Variants in RHOBTB1 observed in about 807,000 individuals in gnomAD.
The protein encoded by RHOBTB1 is Rho related BTB domain containing 1, also known as rho-related BTB domain-containing protein 1.
RHOBTB1 carries 40 observed loss-of-function variants against 71.6 expected under a neutral mutation model. The ratio of observed to expected loss-of-function variants is 0.56; its 90% CI spans 0.43 to 0.73. The LOEUF is 0.73. Among genes scored for constraint, RHOBTB1 ranks in the 30% least tolerant of loss-of-function variants. The probability of loss-of-function intolerance (pLI) is 0.00; values close to 1 mark genes in which losing one functional copy is unlikely to be tolerated. For missense variants in RHOBTB1, 797 were observed against 894.0 expected (o/e 0.89, Z 1.38); for synonymous variants, 319 against 334.9 (o/e 0.95, Z 0.52).
At chr10:60,965,885 T>C (rs1255820038) in intron 2 of RHOBTB1, among the ~76,000 whole-genome samples, 1 of 152,050 alleles carries the variant, frequency 6.6e-6, no homozygotes, top group African/African-American at 2.4e-5. Context: ...GTTCGAAAAT[T>C]TGAGGAAATA....
chr10:60,936,911 T>G (rs1215096489), intron 2 of RHOBTB1, among the ~76,000 whole-genome samples: 1 of 152,190 alleles, frequency 6.6e-6, no homozygotes, highest in South Asian at 2.1e-4. Context: ...GTTCAGCCAC[T>G]TCATAGCACT....
At chr10:60,939,212 G>T (rs1421199291) in intron 2 of RHOBTB1, among the ~76,000 whole-genome samples, 1 of 152,150 alleles carries the variant, frequency 6.6e-6, no homozygotes, top group African/African-American at 2.4e-5. Context: ...CAGAGCTCAA[G>T]AAAGTATCTG....
intron 1 of RHOBTB1, among the ~76,000 whole-genome samples, chr10:60,993,461 A>T (rs1233837114): frequency 6.6e-6 from 1 of 152,212 alleles, no homozygotes; most frequent in Non-Finnish European, 1.5e-5. Context: ...GTGTAAGTAT[A>T]TATAAAATAT....
intron 4 of RHOBTB1, among the ~76,000 whole-genome samples, chr10:60,905,826 A>T (rs2082650916): frequency 6.6e-6 from 1 of 152,134 alleles, no homozygotes; most frequent in African/African-American, 2.4e-5. Context: ...GTATCTAGAC[A>T]CACTCACTGA....
intron 2 of RHOBTB1, among the ~76,000 whole-genome samples, chr10:60,932,513 T>TA (rs3049595): frequency 0.056 from 6,068 of 107,906 alleles, 184 homozygotes; most frequent in Middle Eastern, 0.065. Context: ...TTTCTTAAAG[T>TA]AAAAAAAAAA....
Position 60,963,366 on chromosome 10 carries a change from A to G in RHOBTB1, c.-61-21512T>C, listed in dbSNP as rs533986481. Among the ~76,000 whole-genome samples, 3 of 152,338 alleles carry G rather than the reference A, an allele frequency of 2.0e-5. No homozygotes were observed. In the South Asian group the frequency reaches 6.2e-4, roughly 32 times the overall value. On this transcript the variant is annotated intron_variant, in intron 2 of 11. Transcript: ENST00000357917. ...TTAATCAGCAAATATTCTGACTACA[A>G]TAAAAGAGATCCTGAAAGATAAATT...
At chr10:60,896,929 G>A (rs946884890) in intron 4 of RHOBTB1, among the ~76,000 whole-genome samples, 1 of 152,134 alleles carries the variant, frequency 6.6e-6, no homozygotes, top group Non-Finnish European at 1.5e-5. Context: ...ATAAAGCCAA[G>A]CTCAGCTGCA....
At chr10:60,913,706 C>G (rs2083114709) in intron 2 of RHOBTB1, among the ~76,000 whole-genome samples, 1 of 152,114 alleles carries the variant, frequency 6.6e-6, no homozygotes, top group South Asian at 2.1e-4. Context: ...CAACACCCCA[C>G]AACAAAGAAT....
chr10:60,967,064 G>A (rs922591157), intron 2 of RHOBTB1, among the ~76,000 whole-genome samples: 2 of 152,002 alleles, frequency 1.3e-5, no homozygotes, highest in Admixed American at 6.6e-5. Context: ...GTGAGGGAGC[G>A]ATGCAGTATG....
the RHOBTB1 span, among the ~76,000 whole-genome samples, chr10:60,862,627 C>CCTTCTCTT: frequency 6.7e-6 from 1 of 149,308 alleles, no homozygotes; most frequent in East Asian, 2.0e-4. Context: ...TTCCTTCCTT[C>CCTTCTCTT]CTTCTCTTTT....
intron 4 of RHOBTB1, among the ~76,000 whole-genome samples, chr10:60,895,482 A>C (rs1346939214): frequency 2.0e-5 from 3 of 152,194 alleles, no homozygotes; most frequent in African/African-American, 7.2e-5. Flanking sequence ...TCAGCTCACC[A>C]CAACCTCTGC....
chr10:60,876,485 T>C (rs554591118), intron 8 of RHOBTB1, among the ~76,000 whole-genome samples: 1 of 152,212 alleles, frequency 6.6e-6, no homozygotes, highest in Non-Finnish European at 1.5e-5. Flanking sequence ...TAGTCTGAGA[T>C]TGATCACAAA....
intron 1 of RHOBTB1, among the ~76,000 whole-genome samples, chr10:60,989,389 A>T (rs2086779937): frequency 6.6e-6 from 1 of 152,222 alleles, no homozygotes; most frequent in African/African-American, 2.4e-5. Flanking sequence ...TAGATTTTCC[A>T]TGAGGGACGG....
At chr10:60,964,943 G>A (rs2085906821) in intron 2 of RHOBTB1, among the ~76,000 whole-genome samples, 1 of 152,006 alleles carries the variant, frequency 6.6e-6, no homozygotes, top group African/African-American at 2.4e-5. Context: ...CATTCCTAAA[G>A]TCTTAAGGAA....
At chr10:60,990,235 G>A (rs933797141) in intron 1 of RHOBTB1, among the ~76,000 whole-genome samples, 16 of 151,810 alleles carry the variant, frequency 1.1e-4, no homozygotes, top group East Asian at 3.9e-4. Context: ...TGCCCGCCTC[G>A]GCCTCCCAAA....
chr10:60,912,199 G>GTGTATATATA (rs2083017862), intron 2 of RHOBTB1, among the ~76,000 whole-genome samples: 1 of 145,134 alleles, frequency 6.9e-6, no homozygotes, highest in Admixed American at 6.8e-5. Context: ...ATATATGTGT[G>GTGTATATATA]TGTGTATATA....
chr10:60,888,914 C>T lies in RHOBTB1; in HGVS notation c.754G>A (p.Gly252Arg). Residue 252 changes from glycine (G) to arginine (R), a missense_variant, in exon 6 of 11, where the codon GGG becomes AGG. Physicochemically the swap from Gly to Arg is moderately radical, Grantham distance 125. Around this residue, in one of 2 missense-constraint regions of RHOBTB1, gnomAD observed 658 missense variants for 681.5 expected, o/e 0.97. Transcript: ENST00000337910. ...VIKIPECPSM[G>R]TNEAACLLDN... ...AGTAAACAGGCAGCTTCATTTGTCC[C>T]CATGGAAGGACACTCTGGAATTTTG... is the stretch of plus-strand genomic sequence containing the variant. 1 of 1,614,142 alleles carries T rather than the reference C, an allele frequency of 6.2e-7. No individual in the cohort carries two copies. The highest frequency in any genetic ancestry group is 1.3e-5 in the African/African-American group (1 of 75,030).
chr10:61,000,080 G>A (rs2087204145), intron 1 of RHOBTB1, among the ~76,000 whole-genome samples: 1 of 152,284 alleles, frequency 6.6e-6, no homozygotes, highest in African/African-American at 2.4e-5. Context: ...TTACTATTTA[G>A]CATATTTATA....
chr10:60,990,141 C>G (rs746882691), intron 1 of RHOBTB1, among the ~76,000 whole-genome samples: 1 of 151,986 alleles, frequency 6.6e-6, no homozygotes, highest in South Asian at 2.1e-4. Context: ...CGCCACCACG[C>G]CTGGATAATT....
Sources: gnomAD v4.1 joint callset for allele counts (sites outside exome capture counted in the v4.1 genomes callset) on GRCh38, gnomAD v4.1.1 for gene constraint, gnomAD v4.1.1 regional missense constraint, MANE v1.5 for transcripts, NCBI Gene and HGNC (gene_info 2026-07-23, HGNC 2026-07-21) for gene names.